LAMA2: variants seen among roughly 807,000 people sequenced by gnomAD.
LAMA2 encodes the protein laminin subunit alpha 2.
Under a neutral mutation model 364.8 loss-of-function variants are expected in LAMA2, and 269 were observed. The observed-to-expected ratio is 0.74, with a 90% CI of 0.67 to 0.82. LAMA2 has a LOEUF of 0.82. Among genes scored for constraint, LAMA2 ranks in the 40% least tolerant of loss-of-function variants. The pLI is 0.00. For missense variants in LAMA2, 3,807 were observed against 3,873.2 expected, an observed-to-expected ratio of 0.98 and a Z score of 0.45; for synonymous variants, 1,379 against 1,370.6, an observed-to-expected ratio of 1.01 and a Z score of -0.14.
chr6:129,390,592 CAA>C, intron 35 of LAMA2, among the ~76,000 whole-genome samples: 1 of 151,778 alleles, frequency 6.6e-6, no homozygotes, highest in African/African-American at 2.4e-5. Context: ...ATTCAGCTGA[CAA>C]AAGAGTTTGA....
At chr6:129,328,993 C>G (rs12208111) in intron 29 of LAMA2, among the ~76,000 whole-genome samples, 19,599 of 152,104 alleles carry the variant, frequency 0.13, 1,739 homozygotes, top group East Asian at 0.44. Context: ...TGAGGTAGCT[C>G]TTATTTTTTT....
intron 1 of LAMA2, among the ~76,000 whole-genome samples, chr6:128,910,329 C>T (rs1417567472): frequency 1.6e-4 from 25 of 152,256 alleles, no homozygotes; most frequent in Non-Finnish European, 7.4e-5. Flanking sequence ...GGAGGCTTTG[C>T]TCATTTCTTT....
intron 42 of LAMA2, among the ~76,000 whole-genome samples, chr6:129,439,000 G>A (rs947648801): frequency 6.6e-6 from 1 of 151,744 alleles, no homozygotes; most frequent in Non-Finnish European, 1.5e-5. Context: ...GTTACAGAAA[G>A]GAAGATATAG....
intron 51 of LAMA2, among the ~76,000 whole-genome samples, chr6:129,471,932 A>G (rs1055210418): frequency 3.3e-5 from 5 of 152,022 alleles, no homozygotes; most frequent in African/African-American, 1.2e-4. Context: ...TGATAGGGCT[A>G]TAAACTTCAA....
intron 41 of LAMA2, among the ~76,000 whole-genome samples, chr6:129,436,497 C>T (rs998265538): frequency 1.3e-5 from 2 of 151,862 alleles, no homozygotes; most frequent in Non-Finnish European, 2.9e-5. Flanking sequence ...TTTTTATTCC[C>T]CCCTCCTTTT....
chr6:129,062,584 G>T (rs1052271295), intron 3 of LAMA2, among the ~76,000 whole-genome samples: 48 of 152,194 alleles, frequency 3.2e-4, no homozygotes, highest in African/African-American at 1.1e-3. Context: ...ACTCTAGTGT[G>T]CCTCTAAAAT....
In LAMA2 at chr6:129,169,098, C is replaced by T. The variant is rs568862924; in HGVS notation, c.1306+3423C>T. On this transcript the variant is annotated intron_variant, in intron 9 of 64. Coordinates refer to ENST00000421865, the MANE Select transcript of LAMA2 (RefSeq NM_000426.4). Reference sequence around the variant, plus strand: ...GGGTTTTCTAGATATACAATCATGTCGTCTGCAAACGGGGACAATTTGACT... The same window carrying T: ...GGGTTTTCTAGATATACAATCATGTTGTCTGCAAACGGGGACAATTTGACT... Among the ~76,000 whole-genome samples, 12 of 152,134 alleles carry T rather than the reference C, an allele frequency of 7.9e-5. No homozygotes were observed. In the South Asian group the frequency reaches 2.1e-3, roughly 26 times the overall value.
chr6:128,921,701 T>G (rs889135562), intron 1 of LAMA2, among the ~76,000 whole-genome samples: 1 of 143,934 alleles, frequency 6.9e-6, no homozygotes, highest in South Asian at 2.2e-4. Flanking sequence ...ATGTCTGTTT[T>G]TTTTTTTTTT....
chr6:129,340,461 G>C (rs1311311496), intron 29 of LAMA2, among the ~76,000 whole-genome samples: 2 of 152,104 alleles, frequency 1.3e-5, no homozygotes, highest in African/African-American at 4.8e-5. Context: ...AATGTCAAAG[G>C]GATGGAAAAT....
chr6:129,271,398 G>C (rs1583387310), intron 17 of LAMA2, among the ~76,000 whole-genome samples: 1 of 151,424 alleles, frequency 6.6e-6, no homozygotes, highest in South Asian at 2.1e-4. Flanking sequence ...CCTCAGGGCA[G>C]CCTCTCTCAG....
intron 44 of LAMA2, 96 bp from the exon 45 acceptor site, chr6:129,445,571 A>G: frequency 3.9e-6 from 4 of 1,016,470 alleles, no homozygotes; most frequent in Non-Finnish European, 6.2e-6. Context: ...TCACATTAAT[A>G]AGATGAAATT....
intron 1 of LAMA2, among the ~76,000 whole-genome samples, chr6:128,952,411 A>G (rs758133920): frequency 6.6e-6 from 1 of 152,198 alleles, no homozygotes; most frequent in Non-Finnish European, 1.5e-5. Context: ...CAGCTACCAT[A>G]AATAAGAAAC....
At chr6:129,054,970 G>T (rs1788367139) in intron 2 of LAMA2, among the ~76,000 whole-genome samples, 1 of 150,120 alleles carries the variant, frequency 6.7e-6, no homozygotes, top group Non-Finnish European at 1.5e-5. Flanking sequence ...CCTCTTGAAA[G>T]TTCTACATTC....
intron 1 of LAMA2, among the ~76,000 whole-genome samples, chr6:129,047,820 C>T (rs1361396489): frequency 6.6e-6 from 1 of 152,018 alleles, no homozygotes; most frequent in East Asian, 1.9e-4. Flanking sequence ...TAAAAATCTT[C>T]CTAATTTACT....
intron 14 of LAMA2, among the ~76,000 whole-genome samples, chr6:129,256,892 A>T (rs1379544581): frequency 6.7e-6 from 1 of 149,870 alleles, no homozygotes. Flanking sequence ...GTAATATAGC[A>T]TATCTTACTC....
At chr6:129,197,597 C>A (rs1781928492) in intron 12 of LAMA2, among the ~76,000 whole-genome samples, 1 of 152,190 alleles carries the variant, frequency 6.6e-6, no homozygotes, top group African/African-American at 2.4e-5. Context: ...CAAGCTGTAA[C>A]CCAGTCATCT....
In LAMA2 at chr6:129,291,680, G is replaced by A. The variant is rs1238236215; in HGVS notation, c.2816G>A (p.Cys939Tyr). ...VCHSQTGQCE[C>Y]RANVQGQRCD... Reference sequence around the variant, plus strand: ...CACAGTCAAACTGGACAGTGTGAGTGCAGAGCCAACGTTCAGGGTCAGAGA... The same window carrying A: ...CACAGTCAAACTGGACAGTGTGAGTACAGAGCCAACGTTCAGGGTCAGAGA... The change falls in exon 20 of 65, where the codon TGC becomes TAC. Residue 939 changes from cysteine (C) to tyrosine (Y), a missense_variant. Transcript: ENST00000421865. The A allele has an allele frequency of 1.9e-6, 3 of 1,614,050 alleles. No homozygotes were observed. The highest frequency in any genetic ancestry group is 2.5e-6 in the Non-Finnish European group (3 of 1,179,908).
At chr6:129,043,889 G>A (rs141149087) in intron 1 of LAMA2, among the ~76,000 whole-genome samples, 3 of 152,214 alleles carry the variant, frequency 2.0e-5, no homozygotes, top group Admixed American at 2.0e-4. Flanking sequence ...AGCCCTAGCT[G>A]GGCTACTTGG....
chr6:128,931,632 T>C (rs1014844474), intron 1 of LAMA2, among the ~76,000 whole-genome samples: 3 of 152,220 alleles, frequency 2.0e-5, no homozygotes, highest in African/African-American at 7.2e-5. Context: ...GGGTGAACTC[T>C]GGGTCACAGC....
Sources: allele counts gnomAD v4.1 joint callset (sites outside exome capture counted in the v4.1 genomes callset), GRCh38; gene constraint gnomAD v4.1.1; transcripts MANE v1.5; gene names NCBI Gene and HGNC (gene_info 2026-07-23, HGNC 2026-07-21).